The following MALRD1 variants were observed in gnomAD, a reference collection of about 807,000 sequenced individuals.
MALRD1 encodes the protein MAM and LDL receptor class A domain containing 1.
Under a neutral mutation model 242.1 loss-of-function variants are expected in MALRD1, and 247 were observed. The ratio of observed to expected loss-of-function variants is 1.02; its 90% CI spans 0.92 to 1.13. The LOEUF (loss-of-function observed/expected upper bound fraction) is 1.13, where lower values mean the gene tolerates loss of function less well. Ranked by LOEUF, MALRD1 falls within the 50% of genes most tolerant of loss-of-function variation. MALRD1 has a pLI of 0.00. For missense variants in MALRD1, 2,989 were observed against 2,533.1 expected, an observed-to-expected ratio of 1.18 and a Z score of -3.86; for synonymous variants, 995 against 866.6, an observed-to-expected ratio of 1.15 and a Z score of -2.60.
intron 13 of MALRD1, among the ~76,000 whole-genome samples, chr10:19,172,961 T>A (rs565336336): frequency 6.6e-6 from 1 of 152,168 alleles, no homozygotes; most frequent in Non-Finnish European, 1.5e-5. Context: ...AGGCTAAATT[T>A]CTTAGTTTAA....
intron 18 of MALRD1, among the ~76,000 whole-genome samples, chr10:19,212,853 C>T (rs572506492): frequency 4.6e-5 from 7 of 152,176 alleles, no homozygotes; most frequent in South Asian, 2.1e-4. Context: ...TTATGTTGAG[C>T]GTATGTGCTT....
At position 19,474,072 on chromosome 10, in the gene MALRD1, C is replaced by G. The variant is rs78859410; in HGVS notation, c.5030-17445C>G. Among the ~76,000 whole-genome samples, 328 of 151,992 alleles carry G rather than the reference C, an allele frequency of 2.2e-3. 13 individuals carry two copies. The East Asian group carries it at 0.062, about 29-fold the overall frequency. On this transcript the variant is annotated intron_variant, in intron 29 of 39. Coordinates refer to ENST00000454679, the MANE Select transcript of MALRD1 (RefSeq NM_001142308.3). The stretch of plus-strand genomic sequence containing the variant: ...AGTTTTGGTTTTCATTTGTATTTCC[C>G]TAATGATTAATGATGTTGAACATCG...
chr10:19,195,696 C>T (rs1836205588), intron 14 of MALRD1, among the ~76,000 whole-genome samples: 1 of 152,136 alleles, frequency 6.6e-6, no homozygotes, highest in Non-Finnish European at 1.5e-5. Context: ...CACCCTTTTC[C>T]TTATACTCCA....
At chr10:19,520,326 C>A (rs896074552) in intron 31 of MALRD1, among the ~76,000 whole-genome samples, 8 of 151,766 alleles carry the variant, frequency 5.3e-5, no homozygotes, top group Admixed American at 5.2e-4. Context: ...AAAAAAGCTG[C>A]AATTGGTATC....
chr10:19,133,039 A>G (rs1833176821), intron 8 of MALRD1, among the ~76,000 whole-genome samples: 1 of 152,096 alleles, frequency 6.6e-6, no homozygotes, highest in Non-Finnish European at 1.5e-5. Context: ...CCCAGGTTCA[A>G]GTTATTCTCC....
intron 31 of MALRD1, among the ~76,000 whole-genome samples, chr10:19,516,071 C>A (rs1050915169): frequency 6.6e-6 from 1 of 152,122 alleles, no homozygotes; most frequent in African/African-American, 2.4e-5. Context: ...ATAGAGATAA[C>A]ATAAGCTTGT....
At chr10:19,635,566 GAAA>G (rs1224634561) in intron 36 of MALRD1, among the ~76,000 whole-genome samples, 4 of 151,956 alleles carry the variant, frequency 2.6e-5, no homozygotes, top group African/African-American at 9.6e-5. Context: ...AACACGGAAA[GAAA>G]AAAAGATTAA....
intron 16 of MALRD1, among the ~76,000 whole-genome samples, 160 bp from the exon 17 acceptor site, chr10:19,204,738 A>G (rs1836711687): frequency 6.6e-6 from 1 of 152,208 alleles, no homozygotes; most frequent in Non-Finnish European, 1.5e-5. Context: ...GCCTCAGTAG[A>G]TAAGCTCTTG....
At chr10:19,176,620 C>T (rs553350170) in intron 14 of MALRD1, among the ~76,000 whole-genome samples, 1,753 of 150,886 alleles carry the variant, frequency 0.012, 15 homozygotes, top group Admixed American at 0.018. Context: ...ATGATCCACC[C>T]GCCTCGGCCT....
intron 12 of MALRD1, among the ~76,000 whole-genome samples, chr10:19,157,725 G>T (rs1376454141): frequency 6.6e-6 from 1 of 152,224 alleles, no homozygotes; most frequent in East Asian, 1.9e-4. Flanking sequence ...CCAGTGTGGG[G>T]TACTTTGATA....
intron 18 of MALRD1, among the ~76,000 whole-genome samples, chr10:19,236,237 G>C (rs980146693): frequency 1.3e-5 from 2 of 152,170 alleles, no homozygotes; most frequent in African/African-American, 4.8e-5. Context: ...GTAGCAATCA[G>C]TTCTGCACAG....
chr10:19,453,483 G>A (rs1331968675), intron 29 of MALRD1, among the ~76,000 whole-genome samples: 1 of 152,174 alleles, frequency 6.6e-6, no homozygotes, highest in Non-Finnish European at 1.5e-5. Flanking sequence ...AACATTAAAT[G>A]TTATATGGCT....
At chr10:19,371,925 G>C (rs997974828) in intron 26 of MALRD1, among the ~76,000 whole-genome samples, 1 of 152,080 alleles carries the variant, frequency 6.6e-6, no homozygotes, top group African/African-American at 2.4e-5. Context: ...AAGGTAAAGG[G>C]AATTCCCACA....
intron 31 of MALRD1, among the ~76,000 whole-genome samples, chr10:19,508,808 C>G (rs1833265553): frequency 6.6e-6 from 1 of 152,024 alleles, no homozygotes; most frequent in African/African-American, 2.4e-5. Context: ...ATTGGACAAC[C>G]CTGTTTAATA....
intron 28 of MALRD1, among the ~76,000 whole-genome samples, chr10:19,409,593 A>G (rs1261538593): frequency 6.6e-6 from 1 of 152,126 alleles, no homozygotes; most frequent in African/African-American, 2.4e-5. Flanking sequence ...GGTAATTGAA[A>G]TGTTTTGTAT....
intron 29 of MALRD1, among the ~76,000 whole-genome samples, chr10:19,470,112 C>G (rs1334778004): frequency 6.6e-6 from 1 of 151,990 alleles, no homozygotes; most frequent in East Asian, 1.9e-4. Context: ...CCACATTTCC[C>G]CCTTCCACCA....
At chr10:19,474,863 G>T (rs759948382) in intron 29 of MALRD1, among the ~76,000 whole-genome samples, 1 of 151,698 alleles carries the variant, frequency 6.6e-6, no homozygotes, top group Non-Finnish European at 1.5e-5. Context: ...GGTGTAACAG[G>T]GCAGGAAATT....
chr10:19,581,084 T>C (rs558116537), intron 33 of MALRD1, among the ~76,000 whole-genome samples: 1 of 152,316 alleles, frequency 6.6e-6, no homozygotes, highest in South Asian at 2.1e-4. Flanking sequence ...TTGTATACTT[T>C]ATGAAGGGCT....
intron 7 of MALRD1, among the ~76,000 whole-genome samples, chr10:19,127,797 G>A (rs1837328888): frequency 6.6e-6 from 1 of 151,920 alleles, no homozygotes. Context: ...AACTATAAAG[G>A]ATTTTCTACA....
Sources: allele counts gnomAD v4.1 joint callset (sites outside exome capture counted in the v4.1 genomes callset), GRCh38; gene constraint gnomAD v4.1.1; transcripts MANE v1.5; gene names NCBI Gene and HGNC (gene_info 2026-07-23, HGNC 2026-07-21).